MAPK10: variants seen among roughly 807,000 people sequenced by gnomAD.
The protein encoded by MAPK10 is JNK3 alpha protein kinase.
Under a neutral mutation model 59.3 loss-of-function variants are expected in MAPK10, and 25 were observed. The observed-to-expected ratio is 0.42, with a 90% CI of 0.31 to 0.59. The LOEUF is 0.59. Ranked by LOEUF, MAPK10 falls within the 20% of genes least tolerant of loss-of-function variation. The pLI is 0.15. For missense variants in MAPK10, 351 were observed against 568.9 expected, an observed-to-expected ratio of 0.62 and a Z score of 3.90; for synonymous variants, 190 against 200.5, an observed-to-expected ratio of 0.95 and a Z score of 0.44.
At chr4:86,372,564 G>GAAAGAAAGAAAGAAAGGCAAAGAAAAGA in intron 1 of MAPK10, among the ~76,000 whole-genome samples, 1 of 78,690 alleles carries the variant, frequency 1.3e-5, no homozygotes, top group East Asian at 3.4e-4. Context: ...AAGAAAGAAA[G>GAAAGAAAGAAAGAAAGGCAAAGAAAAGA]AAAGAAAAGA....
At chr4:86,466,700 G>T (rs1752238925) in intron 1 of MAPK10, among the ~76,000 whole-genome samples, 1 of 152,148 alleles carries the variant, frequency 6.6e-6, no homozygotes, top group Admixed American at 6.5e-5. Context: ...TATGGCATTT[G>T]GTTAGGGAAT....
intron 1 of MAPK10, among the ~76,000 whole-genome samples, chr4:86,504,981 C>A (rs1283962309): frequency 6.6e-6 from 1 of 152,130 alleles, no homozygotes; most frequent in East Asian, 1.9e-4. Context: ...AAAGCCCATC[C>A]ACTCTGCATC....
At chr4:86,268,195 G>A (rs2094319203) in intron 2 of MAPK10, 1 of 151,894 alleles carries the variant, frequency 6.6e-6, no homozygotes, top group African/African-American at 2.4e-5. Flanking sequence ...TGCTGAAGCA[G>A]AAAATTTACA....
chr4:86,199,247 A>T (rs1264500360), intron 2 of MAPK10, among the ~76,000 whole-genome samples: 4 of 152,094 alleles, frequency 2.6e-5, no homozygotes, highest in Non-Finnish European at 5.9e-5. Context: ...GAATATTTTT[A>T]TAATAGTGCA....
chr4:86,374,437 C>T (rs989543259), intron 1 of MAPK10, among the ~76,000 whole-genome samples: 1 of 152,078 alleles, frequency 6.6e-6, no homozygotes, highest in Non-Finnish European at 1.5e-5. Flanking sequence ...ATGTATCCCT[C>T]ATTAGAAGGT....
rs141912260 is a variant in MAPK10, at chr4:86,273,812, T to C, written c.-6-79405A>G. On this transcript the variant is annotated intron_variant, in intron 2 of 13. Transcript: ENST00000641462. ...TGTTCAAGAGGCTTTGTGTCTTACA[T>C]ATTAAAGAGAAGAACATTAGAAAAC... 5.8e-3 allele frequency among the ~76,000 whole-genome samples: 881 copies of C among 152,198 alleles called. 8 individuals carry two copies. Among genetic ancestry groups the C allele is most frequent in the African/African-American group, 0.02 (829 of 41,560 alleles).
intron 1 of MAPK10, among the ~76,000 whole-genome samples, chr4:86,375,522 A>G (rs1338061525): frequency 1.3e-5 from 2 of 152,012 alleles, no homozygotes; most frequent in Non-Finnish European, 2.9e-5. Context: ...AGAGTTCAAG[A>G]CAAGTCTGGA....
chr4:86,440,544 T>A (rs1173364465), intron 1 of MAPK10, among the ~76,000 whole-genome samples: 1 of 151,620 alleles, frequency 6.6e-6, no homozygotes, highest in African/African-American at 2.4e-5. Context: ...GGTGGGAGAT[T>A]GTTTGAGCCC....
intron 1 of MAPK10, among the ~76,000 whole-genome samples, chr4:86,409,751 T>TG (rs1442021662): frequency 3.9e-5 from 6 of 152,096 alleles, no homozygotes; most frequent in Admixed American, 2.0e-4. Flanking sequence ...ACATTGATTT[T>TG]GTATGCTGAG....
At chr4:86,551,659 G>A (rs1470010682) in intron 1 of MAPK10, among the ~76,000 whole-genome samples, 1 of 151,700 alleles carries the variant, frequency 6.6e-6, no homozygotes, top group Non-Finnish European at 1.5e-5. Flanking sequence ...AGGCTGGAGT[G>A]CAGTGCTGCG....
intron 9 of MAPK10, among the ~76,000 whole-genome samples, chr4:86,070,568 A>C (rs2047692879): frequency 8.5e-6 from 1 of 118,338 alleles, no homozygotes; most frequent in African/African-American, 3.3e-5. Flanking sequence ...CAGTCCCCAG[A>C]GTGTCATATT....
At chr4:86,394,224 G>A (rs112736573) in intron 1 of MAPK10, among the ~76,000 whole-genome samples, 43,686 of 151,514 alleles carry the variant, frequency 0.29, 6,479 homozygotes, top group Admixed American at 0.33. Context: ...AGCCCAGATC[G>A]CGCCATTGCA....
chr4:86,505,358 C>A (rs1755663146), intron 1 of MAPK10, among the ~76,000 whole-genome samples: 1 of 152,056 alleles, frequency 6.6e-6, no homozygotes, highest in Non-Finnish European at 1.5e-5. Context: ...CACCTATAAT[C>A]TCAACATTTT....
intron 1 of MAPK10, among the ~76,000 whole-genome samples, chr4:86,568,038 T>C (rs1442364111): frequency 2.0e-5 from 3 of 152,070 alleles, no homozygotes; most frequent in African/African-American, 7.2e-5. Flanking sequence ...ATCTTATACA[T>C]AGAGAACCCT....
chr4:86,272,599 A>C (rs1173979410), intron 2 of MAPK10, among the ~76,000 whole-genome samples: 1 of 151,994 alleles, frequency 6.6e-6, no homozygotes, highest in African/African-American at 2.4e-5. Flanking sequence ...TCAGCACTTC[A>C]AAATCAATTC....
chr4:86,310,490 G>T (rs531319553), intron 2 of MAPK10, among the ~76,000 whole-genome samples: 1 of 152,022 alleles, frequency 6.6e-6, no homozygotes, highest in Non-Finnish European at 1.5e-5. Context: ...AGTAATATAC[G>T]ACTGAATGAC....
intron 2 of MAPK10, among the ~76,000 whole-genome samples, chr4:86,299,184 A>G (rs1339014149): frequency 6.6e-6 from 1 of 152,238 alleles, no homozygotes; most frequent in African/African-American, 2.4e-5. Context: ...AACTTTAAGT[A>G]TGTGAATATT....
intron 1 of MAPK10, among the ~76,000 whole-genome samples, chr4:86,391,630 AAG>A (rs1200033971): frequency 6.6e-6 from 1 of 152,198 alleles, no homozygotes; most frequent in Non-Finnish European, 1.5e-5. Context: ...AAGTGAAGGC[AAG>A]AATCCTTCAT....
At chr4:86,308,931 G>A (rs1260457304) in intron 2 of MAPK10, among the ~76,000 whole-genome samples, 1 of 152,118 alleles carries the variant, frequency 6.6e-6, no homozygotes, top group Admixed American at 6.5e-5. Context: ...TCAATATGGT[G>A]ATGAATGAGT....
Sources: allele counts gnomAD v4.1 joint callset (sites outside exome capture counted in the v4.1 genomes callset), GRCh38; gene constraint gnomAD v4.1.1; transcripts MANE v1.5; gene names NCBI Gene and HGNC (gene_info 2026-07-23, HGNC 2026-07-21).